The following CCSER1 variants were observed in gnomAD, a reference collection of about 807,000 sequenced individuals.
CCSER1 encodes coiled-coil serine rich protein 1.
In CCSER1, 41 loss-of-function variants were observed where a neutral mutation model predicts 82.0. The observed-to-expected ratio is 0.50, with a 90% confidence interval of 0.39 to 0.65. The LOEUF (loss-of-function observed/expected upper bound fraction) is 0.65. CCSER1 is among the 30% of genes least tolerant of loss of function. The pLI is 0.00. For synonymous variants in CCSER1, 414 were observed against 383.9 expected, an observed-to-expected ratio of 1.08 and a Z score of -0.92; for missense variants, 1,119 against 1,064.2, an observed-to-expected ratio of 1.05 and a Z score of -0.72.
At chr4:91,199,249 C>T (rs1735706702) in intron 10 of CCSER1, among the ~76,000 whole-genome samples, 2 of 151,980 alleles carry the variant, frequency 1.3e-5, no homozygotes, top group African/African-American at 4.8e-5. Context: ...CTCCCTTCTC[C>T]TGAAAAAATA....
intron 7 of CCSER1, among the ~76,000 whole-genome samples, chr4:90,774,125 G>T (rs1021514861): frequency 3.3e-5 from 5 of 152,038 alleles, no homozygotes; most frequent in Admixed American, 2.0e-4. Context: ...TTTAAGGCCA[G>T]AAATTTAATT....
Position 91,400,657 on chromosome 4 carries a change from G to A in CCSER1, c.2218-197915G>A, listed in dbSNP as rs527572879. Among the ~76,000 whole-genome samples the A allele has an allele frequency of 5.3e-5, 8 of 150,906 alleles. No individual in the cohort carries two copies. In the South Asian group the frequency reaches 1.7e-3, roughly 32 times the overall value. On this transcript the variant is annotated intron_variant, in intron 10 of 10. Coordinates refer to ENST00000509176, the MANE Select transcript of CCSER1 (RefSeq NM_001145065.2). ...TGTAGTGTTTTTATGTCTCCCTTCT[G>A]AAAGCATAACTGCAAGGCATGTGAT... is the stretch of plus-strand genomic sequence containing the variant.
intron 4 of CCSER1, among the ~76,000 whole-genome samples, chr4:90,453,851 G>A (rs1046902690): frequency 6.6e-6 from 1 of 152,172 alleles, no homozygotes; most frequent in African/African-American, 2.4e-5. Flanking sequence ...GAACTTAAAG[G>A]ACTACTTCAG....
chr4:90,478,331 C>G (rs925502815), intron 5 of CCSER1, among the ~76,000 whole-genome samples: 18 of 151,986 alleles, frequency 1.2e-4, no homozygotes, highest in African/African-American at 4.1e-4. Flanking sequence ...TTACAATTGC[C>G]TATATTCTTC....
intron 5 of CCSER1, 28 bp downstream of exon 5, chr4:90,468,382 C>T (rs936909135): frequency 6.3e-7 from 1 of 1,581,884 alleles, no homozygotes; most frequent in Non-Finnish European, 8.6e-7. Flanking sequence ...TTTTTCAAGG[C>T]CTTGTAAAAT....
At chr4:90,972,629 A>C (rs937264477) in intron 9 of CCSER1, among the ~76,000 whole-genome samples, 2 of 151,746 alleles carry the variant, frequency 1.3e-5, no homozygotes. Flanking sequence ...ATTCTTTACC[A>C]AAATCTCTTA....
intron 1 of CCSER1, among the ~76,000 whole-genome samples, chr4:90,229,598 A>G (rs1578623195): frequency 6.6e-6 from 1 of 152,154 alleles, no homozygotes; most frequent in East Asian, 1.9e-4. Flanking sequence ...TCATAATGAC[A>G]GGATCAAATT....
At chr4:91,480,204 C>T (rs1398006294) in intron 10 of CCSER1, among the ~76,000 whole-genome samples, 1 of 152,022 alleles carries the variant, frequency 6.6e-6, no homozygotes, top group African/African-American at 2.4e-5. Context: ...AATGAACATA[C>T]ATGTGCATGT....
intron 10 of CCSER1, among the ~76,000 whole-genome samples, chr4:91,309,907 G>T (rs1248704352): frequency 2.0e-5 from 3 of 151,916 alleles, no homozygotes; most frequent in African/African-American, 7.2e-5. Flanking sequence ...TATTGTCTCA[G>T]ATTTCTGAAG....
chr4:91,380,568 A>T (rs368406382), intron 10 of CCSER1, among the ~76,000 whole-genome samples: 3 of 151,872 alleles, frequency 2.0e-5, no homozygotes, highest in African/African-American at 4.8e-5. Context: ...TAGGATTGCA[A>T]CCCTGCCTTT....
intron 4 of CCSER1, among the ~76,000 whole-genome samples, chr4:90,455,290 G>C (rs1762020138): frequency 6.6e-6 from 1 of 152,178 alleles, no homozygotes; most frequent in South Asian, 2.1e-4. Context: ...TAGTGCAAAG[G>C]AATATAAGGC....
chr4:91,242,484 T>C (rs1242391570), intron 10 of CCSER1, among the ~76,000 whole-genome samples: 3 of 152,184 alleles, frequency 2.0e-5, no homozygotes, highest in Non-Finnish European at 4.4e-5. Flanking sequence ...ACATCTTTCA[T>C]AAAAATTATC....
At chr4:91,251,751 A>G (rs1213916533) in intron 10 of CCSER1, among the ~76,000 whole-genome samples, 1 of 152,184 alleles carries the variant, frequency 6.6e-6, no homozygotes. Flanking sequence ...ACATACGTAT[A>G]TAGAATAGGG....
At chr4:90,360,640 G>A (rs73832774) in intron 3 of CCSER1, among the ~76,000 whole-genome samples, 8,073 of 147,134 alleles carry the variant, frequency 0.055, 304 homozygotes, top group East Asian at 0.19. Context: ...GCTTGGAAAC[G>A]TAGAAGCTTC....
intron 8 of CCSER1, among the ~76,000 whole-genome samples, chr4:90,876,655 C>T (rs987734617): frequency 2.0e-5 from 3 of 152,018 alleles, no homozygotes; most frequent in Non-Finnish European, 2.9e-5. Context: ...ACATTTGGAG[C>T]CCCATTCAAT....
intron 1 of CCSER1, among the ~76,000 whole-genome samples, chr4:90,303,554 G>C (rs2153475373): frequency 6.6e-6 from 1 of 152,124 alleles, no homozygotes; most frequent in East Asian, 1.9e-4. Flanking sequence ...ATGGGGAAAG[G>C]ATTCCCTATT....
chr4:90,169,532 A>G (rs1173311636), intron 1 of CCSER1, among the ~76,000 whole-genome samples: 1 of 152,102 alleles, frequency 6.6e-6, no homozygotes, highest in African/African-American at 2.4e-5. Flanking sequence ...GAGTGGTGAG[A>G]GAGGGCATCC....
intron 1 of CCSER1, among the ~76,000 whole-genome samples, chr4:90,151,795 A>G (rs1277975387): frequency 1.3e-5 from 2 of 152,108 alleles, no homozygotes; most frequent in Non-Finnish European, 2.9e-5. Flanking sequence ...AATCTTTACA[A>G]TGTAAATTTG....
chr4:90,668,032 AGTT>A (rs960500825), intron 6 of CCSER1, among the ~76,000 whole-genome samples: 10 of 152,190 alleles, frequency 6.6e-5, no homozygotes, highest in African/African-American at 2.2e-4. Flanking sequence ...GTGTCAAAAT[AGTT>A]GTTGGGAAAA....
Sources: gnomAD v4.1 joint callset for allele counts (sites outside exome capture counted in the v4.1 genomes callset) on GRCh38, gnomAD v4.1.1 for gene constraint, MANE v1.5 for transcripts, NCBI Gene and HGNC (gene_info 2026-07-23, HGNC 2026-07-21) for gene names.